The following CNTN5 variants were observed in gnomAD, a reference collection of about 807,000 sequenced individuals.
CNTN5 encodes the protein contactin 5, also known as contactin-5.
In CNTN5, 77 loss-of-function variants were observed where a neutral mutation model predicts 129.1. The observed-to-expected ratio is 0.60, with a 90% CI of 0.50 to 0.72. CNTN5 has a LOEUF of 0.72. CNTN5 is among the 30% of genes least tolerant of loss of function. The pLI, the probability that CNTN5 is intolerant of heterozygous loss-of-function variation, is 0.00. For synonymous variants in CNTN5, 509 were observed against 465.6 expected (o/e 1.09, Z -1.20); for missense variants, 1,478 against 1,328.8 (o/e 1.11, Z -1.75).
intron 1 of CNTN5, among the ~76,000 whole-genome samples, chr11:99,131,204 C>T (rs1316804747): frequency 2.2e-5 from 3 of 139,426 alleles, no homozygotes; most frequent in Non-Finnish European, 4.5e-5. Flanking sequence ...GCTGAGATTG[C>T]ACCACTGCAC....
intron 1 of CNTN5, among the ~76,000 whole-genome samples, chr11:99,141,109 T>G (rs1228315016): frequency 6.6e-6 from 1 of 152,166 alleles, no homozygotes; most frequent in Non-Finnish European, 1.5e-5. Context: ...ATTTTGGCTG[T>G]GAATGTCTGG....
chr11:99,462,360 C>CTTTTTTTTTTTTTTTTTTTTTTTTTTTTT (rs72276833), intron 2 of CNTN5, among the ~76,000 whole-genome samples: 6 of 125,280 alleles, frequency 4.8e-5, no homozygotes, highest in African/African-American at 5.9e-5. Flanking sequence ...CTTTTCTTTT[C>CTTTTTTTTTTTTTTTTTTTTTTTTTTTTT]TTTTTTTTTT....
At chr11:99,455,458 A>G (rs147761523) in intron 2 of CNTN5, among the ~76,000 whole-genome samples, 1,875 of 152,198 alleles carry the variant, frequency 0.012, 43 homozygotes, top group African/African-American at 0.043. Context: ...TTTAAAAAAA[A>G]CATAAGAATT....
At chr11:100,089,756 G>T (rs1436959570) in intron 13 of CNTN5, among the ~76,000 whole-genome samples, 1 of 152,102 alleles carries the variant, frequency 6.6e-6, no homozygotes, top group Non-Finnish European at 1.5e-5. Context: ...GGACGTTGAT[G>T]GAGCTGGAAG....
intron 3 of CNTN5, among the ~76,000 whole-genome samples, chr11:99,746,171 T>C (rs537472557): frequency 6.6e-6 from 1 of 152,204 alleles, no homozygotes; most frequent in South Asian, 2.1e-4. Context: ...CAAGAATATT[T>C]TTTTCCCTAC....
chr11:99,575,625 G>T (rs1181322749), intron 3 of CNTN5, among the ~76,000 whole-genome samples: 1 of 152,148 alleles, frequency 6.6e-6, no homozygotes, highest in African/African-American at 2.4e-5. Flanking sequence ...AGCTACTCTT[G>T]GAGCAAAATA....
At chr11:99,047,038 A>G (rs1261132216) in intron 1 of CNTN5, among the ~76,000 whole-genome samples, 1 of 151,988 alleles carries the variant, frequency 6.6e-6, no homozygotes, top group Non-Finnish European at 1.5e-5. Flanking sequence ...TTAAAACAGT[A>G]TAATTCTGCT....
intron 13 of CNTN5, among the ~76,000 whole-genome samples, chr11:100,123,057 T>C (rs1016511694): frequency 9.9e-5 from 15 of 151,992 alleles, no homozygotes; most frequent in African/African-American, 3.6e-4. Context: ...TCCAGGGTAA[T>C]AGTTTAAGGA....
chr11:100,297,814 A>C (rs1951128175), intron 19 of CNTN5, 119 bp downstream of exon 19: 12 of 738,044 alleles, frequency 1.6e-5, no homozygotes, highest in Non-Finnish European at 2.7e-5. Context: ...AAACAGTGGG[A>C]GGAAGGAATG....
chr11:99,882,728 T>C (rs548798696), intron 6 of CNTN5, among the ~76,000 whole-genome samples: 1 of 152,296 alleles, frequency 6.6e-6, no homozygotes, highest in Admixed American at 6.5e-5. Context: ...TATATATTTT[T>C]AGTTATTTTT....
chr11:100,253,402 TTTA>T (rs1051485065), intron 16 of CNTN5, among the ~76,000 whole-genome samples: 22 of 152,134 alleles, frequency 1.4e-4, no homozygotes, highest in Non-Finnish European at 7.4e-5. Flanking sequence ...GACTAAATAA[TTTA>T]TTATTATTTA....
At chr11:99,225,431 C>T (rs1282091999) in intron 1 of CNTN5, among the ~76,000 whole-genome samples, 2 of 151,990 alleles carry the variant, frequency 1.3e-5, no homozygotes, top group African/African-American at 4.8e-5. Flanking sequence ...TATTTTACAA[C>T]ATAATTTTTC....
chr11:99,735,499 T>C (rs942840214), intron 3 of CNTN5, among the ~76,000 whole-genome samples: 1 of 113,734 alleles, frequency 8.8e-6, no homozygotes, highest in African/African-American at 4.4e-5. Context: ...TTGAATTTAT[T>C]GACTCACTAT....
intron 1 of CNTN5, among the ~76,000 whole-genome samples, chr11:99,202,672 C>A (rs1208330828): frequency 6.6e-6 from 1 of 151,476 alleles, no homozygotes; most frequent in Non-Finnish European, 1.5e-5. Context: ...TTTTACTATG[C>A]AGTACTTAAG....
At chr11:99,410,772 G>A (rs1212169191) in intron 2 of CNTN5, among the ~76,000 whole-genome samples, 1 of 152,204 alleles carries the variant, frequency 6.6e-6, no homozygotes, top group African/African-American at 2.4e-5. Context: ...TATGGCACAT[G>A]CTATTTTGGA....
At chr11:99,157,405 C>A (rs963379981) in intron 1 of CNTN5, among the ~76,000 whole-genome samples, 5 of 151,770 alleles carry the variant, frequency 3.3e-5, no homozygotes, top group Admixed American at 6.6e-5. Flanking sequence ...CTTTTAAAAC[C>A]CTCACAGCAA....
chr11:99,208,768 CTAAG>C (rs1159747642), intron 1 of CNTN5, among the ~76,000 whole-genome samples: 13 of 151,914 alleles, frequency 8.6e-5, no homozygotes, highest in African/African-American at 1.9e-4. Flanking sequence ...TTATTAATAA[CTAAG>C]TAGGCAGCTT....
chr11:100,137,037 A>G (rs1277032157), intron 13 of CNTN5, among the ~76,000 whole-genome samples: 1 of 151,956 alleles, frequency 6.6e-6, no homozygotes, highest in Non-Finnish European at 1.5e-5. Flanking sequence ...AATATAATAG[A>G]TATTTTAACT....
intron 2 of CNTN5, among the ~76,000 whole-genome samples, chr11:99,451,008 C>G (rs1049411278): frequency 6.6e-6 from 1 of 151,856 alleles, no homozygotes; most frequent in Non-Finnish European, 1.5e-5. Context: ...TAAGCTTACC[C>G]CATTTGTGAT....
Sources: allele counts gnomAD v4.1 joint callset (sites outside exome capture counted in the v4.1 genomes callset), GRCh38; gene constraint gnomAD v4.1.1; transcripts MANE v1.5; gene names NCBI Gene and HGNC (gene_info 2026-07-23, HGNC 2026-07-21).